The following DCLK1 variants were observed in gnomAD, a reference collection of about 807,000 sequenced individuals.
DCLK1 encodes serine/threonine-protein kinase DCLK1.
In DCLK1, 16 loss-of-function variants were observed where a neutral mutation model predicts 86.2. The ratio of observed to expected loss-of-function variants is 0.19; its 90% confidence interval spans 0.13 to 0.28. The LOEUF (loss-of-function observed/expected upper bound fraction) is 0.28, where lower values mean the gene tolerates loss of function less well. Ranked by LOEUF, DCLK1 falls within the 10% of genes least tolerant of loss-of-function variation. The pLI is 1.00. For synonymous variants in DCLK1, 369 were observed against 370.5 expected (o/e 1.00, Z 0.05); for missense variants, 590 against 940.2 (o/e 0.63, Z 4.87).
rs116624034 is a variant in DCLK1 at position 35,931,861 on chromosome 13, G to C, written c.823+15497C>G. On this transcript the variant is annotated intron_variant, in intron 4 of 16. Transcript: ENST00000360631. Reference sequence around the variant, plus strand: ...CCCTGATATGTACTGTGGGATATATGTTTTAATGATACACAGGACCAATCT... The same window carrying C: ...CCCTGATATGTACTGTGGGATATATCTTTTAATGATACACAGGACCAATCT... Among the ~76,000 whole-genome samples, 1,279 of 152,270 alleles carry C rather than the reference G, an allele frequency of 8.4e-3. 19 individuals are homozygous for C. The highest frequency in any genetic ancestry group is 0.029 in the African/African-American group (1,211 of 41,552).
intron 4 of DCLK1, among the ~76,000 whole-genome samples, chr13:35,907,784 G>A (rs781104353): frequency 2.0e-5 from 3 of 148,332 alleles, no homozygotes; most frequent in African/African-American, 5.0e-5. Flanking sequence ...AAACAGTCTT[G>A]TGAACTATCC....
At chr13:35,934,615 C>T (rs1876654681) in intron 4 of DCLK1, among the ~76,000 whole-genome samples, 1 of 152,132 alleles carries the variant, frequency 6.6e-6, no homozygotes, top group East Asian at 1.9e-4. Context: ...ACCCACGATT[C>T]AATTATCTCT....
intron 4 of DCLK1, among the ~76,000 whole-genome samples, chr13:35,877,185 A>C (rs1169477443): frequency 6.6e-6 from 1 of 152,360 alleles, no homozygotes; most frequent in East Asian, 1.9e-4. Flanking sequence ...CCAGGACATG[A>C]ACTCCTGAAA....
chr13:36,099,573 A>G (rs572396436), intron 3 of DCLK1, among the ~76,000 whole-genome samples: 11 of 152,332 alleles, frequency 7.2e-5, no homozygotes, highest in Non-Finnish European at 1.2e-4. Context: ...AAGAAAACTA[A>G]GGTATTCCCA....
intron 11 of DCLK1, among the ~76,000 whole-genome samples, chr13:35,822,495 A>G (rs1165861755): frequency 4.6e-5 from 7 of 152,094 alleles, no homozygotes; most frequent in Admixed American, 4.6e-4. Context: ...TCGCGAGTTC[A>G]ATTCCCATTC....
chr13:36,110,741 A>G (rs1402777228), intron 3 of DCLK1, among the ~76,000 whole-genome samples: 1 of 152,140 alleles, frequency 6.6e-6, no homozygotes. Flanking sequence ...CACATTAAAA[A>G]CTAAACTTCC....
At chr13:35,963,292 T>G (rs1878556175) in intron 3 of DCLK1, among the ~76,000 whole-genome samples, 1 of 152,210 alleles carries the variant, frequency 6.6e-6, no homozygotes, top group Non-Finnish European at 1.5e-5. Flanking sequence ...CTACTACGCT[T>G]GAGACACTAA....
chr13:35,916,863 C>G (rs993465982), intron 4 of DCLK1, among the ~76,000 whole-genome samples: 3 of 152,166 alleles, frequency 2.0e-5, no homozygotes, highest in African/African-American at 7.2e-5. Flanking sequence ...GCAGGAAGGC[C>G]TCTCAGACCT....
At chr13:35,784,823 G>A (rs1489762955) in intron 16 of DCLK1, among the ~76,000 whole-genome samples, 3 of 152,104 alleles carry the variant, frequency 2.0e-5, no homozygotes, top group Non-Finnish European at 2.9e-5. Context: ...GCAACTTGCT[G>A]TGTACATTTG....
At position 36,070,924 on chromosome 13, in the gene DCLK1, C is replaced by G. The variant is rs140008478; in HGVS notation, c.723+40945G>C. 3.3e-3 allele frequency among the ~76,000 whole-genome samples: 497 copies of G among 152,230 alleles called. 1 individual carries two copies. Among genetic ancestry groups the G allele is most frequent in the African/African-American group, 0.012 (478 of 41,540 alleles). ...CCTCCCAAAGCACTGGGATTACAGG[C>G]GTGAGCCACCGCGCCCGGCCCCCAT... On this transcript the variant is annotated intron_variant, in intron 3 of 16. Coordinates refer to ENST00000360631, the MANE Select transcript of DCLK1 (RefSeq NM_001330071.2).
intron 4 of DCLK1, among the ~76,000 whole-genome samples, chr13:35,940,716 G>A (rs1270307797): frequency 6.6e-6 from 1 of 152,150 alleles, no homozygotes; most frequent in Non-Finnish European, 1.5e-5. Flanking sequence ...ATTCCCTCCA[G>A]AGAAGAGTGG....
At chr13:35,799,025 G>C (rs1566538203) in intron 15 of DCLK1, among the ~76,000 whole-genome samples, 1 of 152,162 alleles carries the variant, frequency 6.6e-6, no homozygotes, top group Non-Finnish European at 1.5e-5. Flanking sequence ...GTGATAGAAA[G>C]TCTTGAATTG....
At chr13:36,109,052 C>T (rs1435935319) in intron 3 of DCLK1, among the ~76,000 whole-genome samples, 1 of 152,170 alleles carries the variant, frequency 6.6e-6, no homozygotes, top group African/African-American at 2.4e-5. Flanking sequence ...CTCTTTTGAG[C>T]CAAAAAGATT....
intron 3 of DCLK1, among the ~76,000 whole-genome samples, chr13:36,042,436 A>G (rs1236659968): frequency 1.3e-5 from 2 of 152,208 alleles, no homozygotes; most frequent in Non-Finnish European, 2.9e-5. Flanking sequence ...TTGCCCACCA[A>G]TGAAACATTC....
At chr13:35,931,555 A>G (rs894382812) in intron 4 of DCLK1, among the ~76,000 whole-genome samples, 10 of 152,182 alleles carry the variant, frequency 6.6e-5, no homozygotes, top group Non-Finnish European at 1.3e-4. Flanking sequence ...TTATATTCTC[A>G]ATGCTCTTTG....
intron 15 of DCLK1, among the ~76,000 whole-genome samples, chr13:35,799,236 C>CTCCT (rs373917059): frequency 6.6e-6 from 1 of 151,840 alleles, no homozygotes; most frequent in African/African-American, 2.4e-5. Flanking sequence ...GGGCTTCAGG[C>CTCCT]TTGAGCCTCA....
chr13:35,906,097 T>C (rs561347478), intron 4 of DCLK1, among the ~76,000 whole-genome samples: 1 of 152,342 alleles, frequency 6.6e-6, no homozygotes, highest in East Asian at 1.9e-4. Context: ...GCCACCCACA[T>C]TGCTAGCTTC....
chr13:35,813,018 T>A (rs1444066308), intron 11 of DCLK1, among the ~76,000 whole-genome samples: 1 of 152,204 alleles, frequency 6.6e-6, no homozygotes, highest in Non-Finnish European at 1.5e-5. Flanking sequence ...AAACCCTAAG[T>A]TGTAGTCTTA....
intron 8 of DCLK1, among the ~76,000 whole-genome samples, chr13:35,833,065 G>A (rs1269083434): frequency 6.6e-6 from 1 of 152,122 alleles, no homozygotes; most frequent in Admixed American, 6.5e-5. Context: ...TGCTGGATTT[G>A]AGCCTGCTTG....
Sources: allele counts gnomAD v4.1 joint callset (sites outside exome capture counted in the v4.1 genomes callset), GRCh38; gene constraint gnomAD v4.1.1; transcripts MANE v1.5; gene names NCBI Gene and HGNC (gene_info 2026-07-23, HGNC 2026-07-21).